DNAH6: variants seen among roughly 807,000 people sequenced by gnomAD.
DNAH6 encodes dynein axonemal heavy chain 6, also known as axonemal beta dynein heavy chain 6.
A neutral mutation model predicts 491.4 loss-of-function variants in DNAH6; 340 were observed. The observed-to-expected ratio is 0.69, with a 90% CI of 0.63 to 0.76. DNAH6 has a LOEUF of 0.76. DNAH6 is among the 30% of genes least tolerant of loss of function. The probability of loss-of-function intolerance (pLI) is 0.00; values close to 1 mark genes in which losing one functional copy is unlikely to be tolerated. For missense variants in DNAH6, 4,443 were observed against 4,972.2 expected (o/e 0.89, Z 3.20); for synonymous variants, 1,603 against 1,686.1 (o/e 0.95, Z 1.21).
In DNAH6 at chr2:84,591,577, A is replaced by G. The variant is rs143884011; in HGVS notation, c.2611-2395A>G. On this transcript the variant is annotated intron_variant, in intron 16 of 76. Transcript: ENST00000389394. ...CAATGCAATCCTTACCAATTTCCCA[A>G]TGACATTTTCTAAAGAAATATTAAA... Among the ~76,000 whole-genome samples, 258 of 152,318 alleles carry G rather than the reference A, an allele frequency of 1.7e-3. 3 individuals are homozygous for G. Among genetic ancestry groups the G allele is most frequent in the African/African-American group, 5.9e-3 (245 of 41,572 alleles).
At chr2:84,742,521 A>G (rs1672622619) in intron 62 of DNAH6, among the ~76,000 whole-genome samples, 1 of 152,204 alleles carries the variant, frequency 6.6e-6, no homozygotes, top group Admixed American at 6.5e-5. Context: ...CACATCCTAC[A>G]GTGCTCAGAA....
At chr2:84,703,361 G>A (rs2104835176) in intron 49 of DNAH6, 34 bp from the exon 50 acceptor site, 1 of 1,443,770 alleles carries the variant, frequency 6.9e-7, no homozygotes, top group Non-Finnish European at 9.2e-7. Context: ...AGTTTATAAT[G>A]CTCATTATAA....
At chr2:84,519,828 T>C (rs1041504646) in intron 2 of DNAH6, among the ~76,000 whole-genome samples, 2 of 152,092 alleles carry the variant, frequency 1.3e-5, no homozygotes, top group Non-Finnish European at 2.9e-5. Context: ...CCTTTGTCCA[T>C]GCTGAAACAA....
intron 18 of DNAH6, among the ~76,000 whole-genome samples, chr2:84,603,655 G>A (rs1006093073): frequency 2.0e-5 from 3 of 152,044 alleles, no homozygotes; most frequent in Non-Finnish European, 2.9e-5. Context: ...CTATAGTGCT[G>A]AGCCTAGCAC....
chr2:84,630,522 A>T (rs924624528), intron 29 of DNAH6, among the ~76,000 whole-genome samples: 3 of 141,748 alleles, frequency 2.1e-5, no homozygotes, highest in Admixed American at 2.1e-4. Context: ...ATATGGAATC[A>T]GGGGAATTCT....
chr2:84,547,859 G>T (rs1046052427), intron 7 of DNAH6, among the ~76,000 whole-genome samples: 1 of 152,112 alleles, frequency 6.6e-6, no homozygotes, highest in Non-Finnish European at 1.5e-5. Context: ...TGATTAATAA[G>T]CACTTTAGAG....
chr2:84,628,153 G>C (rs765572262), intron 29 of DNAH6, among the ~76,000 whole-genome samples: 1 of 152,116 alleles, frequency 6.6e-6, no homozygotes, highest in Admixed American at 6.5e-5. Flanking sequence ...AGAAGAAGGG[G>C]GTATAGTCTG....
At position 84,595,845 on chromosome 2, in the gene DNAH6, G is replaced by T. The variant is rs918612817; in HGVS notation, c.2868+56G>T. The T allele has an allele frequency of 2.5e-5, 36 of 1,437,502 alleles. No homozygotes were observed. The Admixed American group carries it at 9.5e-4, about 38-fold the overall frequency. The allele number at this position is 1,437,502 out of a possible 1,614,324, so 89.0% of individuals were successfully genotyped here. On this transcript the variant is annotated intron_variant, in intron 18 of 76. Transcript: ENST00000389394. ...GTAGGCCAGTTGGTTATTAATTGAT[G>T]CTAATGAGACCAAAATCAGGAATTT...
chr2:84,777,959 C>A, intron 64 of DNAH6: 2 of 967,070 alleles, frequency 2.1e-6, no homozygotes, highest in Non-Finnish European at 3.4e-6. Flanking sequence ...CTCACATGCC[C>A]AAGCAGTGAT....
At chr2:84,503,436 C>CA in the DNAH6 span, among the ~76,000 whole-genome samples, 9 of 152,086 alleles carry the variant, frequency 5.9e-5, no homozygotes, top group Non-Finnish European at 1.0e-4. Context: ...GTCATTTACA[C>CA]ACCACAGTTA....
At chr2:84,543,615 C>G (rs771567162) in intron 4 of DNAH6, among the ~76,000 whole-genome samples, 1 of 152,056 alleles carries the variant, frequency 6.6e-6, no homozygotes, top group Non-Finnish European at 1.5e-5. Context: ...TCATTTCTTT[C>G]TCCTGTCCTT....
chr2:84,534,978 G>A (rs1677543212), intron 4 of DNAH6, among the ~76,000 whole-genome samples: 1 of 151,734 alleles, frequency 6.6e-6, no homozygotes, highest in Non-Finnish European at 1.5e-5. Flanking sequence ...AATTATCTTG[G>A]TAAAGAGCAC....
Position 84,808,510 on chromosome 2 carries a change from G to T in DNAH6, c.11707G>T (p.Asp3903Tyr). Residue 3903 changes from aspartate (D) to tyrosine (Y), a missense_variant, in exon 72 of 77, where the codon GAC (aspartate) becomes TAC (tyrosine). Transcript: ENST00000389394. ...GACCACCGTTCTTGGACAGGAAGTG[G>T]ACCGGTTTAACAACCTGCTGAAGTT... ...SLTTVLGQEV[D>Y]RFNNLLKLIH... The T allele has an allele frequency of 6.4e-7, 1 of 1,551,820 alleles. No homozygotes were observed. The highest frequency in any genetic ancestry group is 1.2e-5 in the South Asian group (1 of 84,042).
chr2:84,683,390 C>T (rs1329489588), intron 42 of DNAH6, among the ~76,000 whole-genome samples: 1 of 147,330 alleles, frequency 6.8e-6, no homozygotes, highest in Non-Finnish European at 1.5e-5. Context: ...CCATCCAGTG[C>T]CCTTTGTTCT....
chr2:84,650,383 C>A (rs888407779), intron 33 of DNAH6, among the ~76,000 whole-genome samples: 3 of 152,090 alleles, frequency 2.0e-5, no homozygotes, highest in Non-Finnish European at 4.4e-5. Context: ...TTCTATTATT[C>A]TATCTTGCAG....
chr2:84,677,419 G>A (rs1651900901), intron 41 of DNAH6, among the ~76,000 whole-genome samples: 1 of 152,118 alleles, frequency 6.6e-6, no homozygotes, highest in Non-Finnish European at 1.5e-5. Flanking sequence ...CTGCCACTTA[G>A]CACTCCACAC....
rs1221604729 is a variant in DNAH6 at position 84,688,604 on chromosome 2, A to C, written c.7292+11A>C. 6.6e-7 allele frequency: 1 copy of C among 1,515,958 alleles called. No homozygotes were observed. Among genetic ancestry groups the C allele is most frequent in the Non-Finnish European group, 8.8e-7 (1 of 1,137,254 alleles). 93.9% of individuals were successfully genotyped at this position (1,515,958 alleles called of 1,614,324 possible). On this transcript the variant is annotated intron_variant, in intron 45 of 76. Coordinates refer to ENST00000389394, the MANE Select transcript of DNAH6 (RefSeq NM_001370.2). Reference sequence around the variant, plus strand: ...AGAACATGTTTCAAGGTATAGTGCTATAAGGCGCCCAATAATGCATTGATT... The same window carrying C: ...AGAACATGTTTCAAGGTATAGTGCTCTAAGGCGCCCAATAATGCATTGATT...
intron 63 of DNAH6, among the ~76,000 whole-genome samples, chr2:84,756,748 A>G (rs1674064023): frequency 6.6e-6 from 1 of 152,188 alleles, no homozygotes; most frequent in African/African-American, 2.4e-5. Context: ...TCACCCATCA[A>G]TACCTTCAAA....
the DNAH6 span, among the ~76,000 whole-genome samples, chr2:84,485,035 A>G: frequency 1.3e-5 from 2 of 152,236 alleles, no homozygotes; most frequent in Admixed American, 6.5e-5. Flanking sequence ...TCTAACTCAG[A>G]AGATAAGGCC....
Sources: allele counts gnomAD v4.1 joint callset (sites outside exome capture counted in the v4.1 genomes callset), GRCh38; gene constraint gnomAD v4.1.1; transcripts MANE v1.5; gene names NCBI Gene and HGNC (gene_info 2026-07-23, HGNC 2026-07-21).